Variants in CCSER1 observed in about 807,000 individuals in gnomAD.
The protein encoded by CCSER1 is coiled-coil serine rich protein 1, also known as serine-rich coiled-coil domain-containing protein 1.
In CCSER1, 41 loss-of-function variants were observed where a neutral mutation model predicts 82.0. The ratio of observed to expected loss-of-function variants is 0.50; its 90% confidence interval spans 0.39 to 0.65. The LOEUF (loss-of-function observed/expected upper bound fraction) is 0.65. Among genes scored for constraint, CCSER1 ranks in the 30% least tolerant of loss-of-function variants. The pLI is 0.00. For missense variants in CCSER1, 1,119 were observed against 1,064.2 expected (o/e 1.05, Z -0.72); for synonymous variants, 414 against 383.9 (o/e 1.08, Z -0.92).
chr4:90,739,738 G>C (rs1446518610), intron 7 of CCSER1, among the ~76,000 whole-genome samples: 2 of 152,124 alleles, frequency 1.3e-5, no homozygotes, highest in African/African-American at 4.8e-5. Flanking sequence ...CTGTGACCAG[G>C]CAGCACTGTG....
chr4:90,260,578 T>C (rs1724136249), intron 1 of CCSER1, among the ~76,000 whole-genome samples: 1 of 152,226 alleles, frequency 6.6e-6, no homozygotes, highest in Non-Finnish European at 1.5e-5. Context: ...TAGCTACTCC[T>C]ACTTCTTCTG....
At chr4:91,210,935 C>G (rs143772602) in intron 10 of CCSER1, among the ~76,000 whole-genome samples, 9 of 151,898 alleles carry the variant, frequency 5.9e-5, no homozygotes, top group African/African-American at 2.2e-4. Context: ...CGGGTGTGAT[C>G]GGGCATCAGG....
intron 1 of CCSER1, among the ~76,000 whole-genome samples, chr4:90,301,818 A>G (rs987992767): frequency 6.6e-6 from 1 of 152,126 alleles, no homozygotes; most frequent in Non-Finnish European, 1.5e-5. Context: ...GATTAAAGGT[A>G]ACTGTTATAA....
intron 9 of CCSER1, among the ~76,000 whole-genome samples, chr4:90,953,458 G>C (rs1170704162): frequency 6.6e-6 from 1 of 151,012 alleles, no homozygotes; most frequent in African/African-American, 2.4e-5. Context: ...ATTTACTATT[G>C]TCAAGGCAAT....
intron 10 of CCSER1, among the ~76,000 whole-genome samples, chr4:91,294,641 G>A (rs1447414556): frequency 6.6e-6 from 1 of 151,772 alleles, no homozygotes; most frequent in East Asian, 2.0e-4. Context: ...GGTTCCTGAT[G>A]TTTCTTGGCT....
chr4:90,216,976 T>C (rs1274139107), intron 1 of CCSER1, among the ~76,000 whole-genome samples: 2 of 152,208 alleles, frequency 1.3e-5, no homozygotes, highest in Non-Finnish European at 2.9e-5. Flanking sequence ...TGTTTTGTAG[T>C]TCTCCTTGTA....
In CCSER1 at chr4:90,654,060, G is replaced by T. The variant is rs558302744; in HGVS notation, c.1932+25828G>T. On this transcript the variant is annotated intron_variant, in intron 6 of 10. Transcript: ENST00000509176. ...CATGAGAATTCACTCATTATCACAGGAACAGCAAGGGGGAAATTTGCCCCC... is the reference window on the plus strand; with the variant it reads ...CATGAGAATTCACTCATTATCACAGTAACAGCAAGGGGGAAATTTGCCCCC... Among the ~76,000 whole-genome samples the T allele has an allele frequency of 1.5e-4, 23 of 152,128 alleles. No individual in the cohort carries two copies. The East Asian group carries it at 4.5e-3, about 29-fold the overall frequency.
chr4:90,740,628 A>G (rs1746381876), intron 7 of CCSER1, among the ~76,000 whole-genome samples: 1 of 152,174 alleles, frequency 6.6e-6, no homozygotes, highest in African/African-American at 2.4e-5. Context: ...AAGATAAAGA[A>G]CTTGTCAACA....
chr4:90,237,343 T>A (rs534452563), intron 1 of CCSER1, among the ~76,000 whole-genome samples: 14 of 152,288 alleles, frequency 9.2e-5, no homozygotes, highest in Non-Finnish European at 2.1e-4. Context: ...CGTTTCCTTT[T>A]AACAGTATGT....
At chr4:91,117,279 G>A (rs896319699) in intron 10 of CCSER1, among the ~76,000 whole-genome samples, 8 of 152,130 alleles carry the variant, frequency 5.3e-5, no homozygotes, top group African/African-American at 1.7e-4. Flanking sequence ...TGAATGTGAG[G>A]ACCTTCCTGA....
intron 10 of CCSER1, among the ~76,000 whole-genome samples, chr4:91,160,260 G>A (rs534648617): frequency 6.6e-6 from 1 of 152,142 alleles, no homozygotes; most frequent in Non-Finnish European, 1.5e-5. Context: ...ATTCCATGAT[G>A]TATATGTGCC....
chr4:91,187,056 G>A (rs908053954), intron 10 of CCSER1, among the ~76,000 whole-genome samples: 4 of 152,218 alleles, frequency 2.6e-5, no homozygotes, highest in African/African-American at 7.2e-5. Flanking sequence ...GGTAGCATCT[G>A]TCACAGCTTC....
chr4:91,577,519 A>G lies in CCSER1; in HGVS notation c.2218-21053A>G, dbSNP rs567821218. Among the ~76,000 whole-genome samples, 3 of 152,182 alleles carry G rather than the reference A, an allele frequency of 2.0e-5. No homozygotes were observed. In the South Asian group the frequency reaches 6.2e-4, roughly 32 times the overall value. On this transcript the variant is annotated intron_variant, in intron 10 of 10. Coordinates refer to ENST00000509176, the MANE Select transcript of CCSER1 (RefSeq NM_001145065.2). ...TCTAGCATATTATATTTTTATCACCAGGAGGAAGCAAATTAATTACAATGA... is the reference window on the plus strand; with the variant it reads ...TCTAGCATATTATATTTTTATCACCGGGAGGAAGCAAATTAATTACAATGA...
intron 7 of CCSER1, among the ~76,000 whole-genome samples, chr4:90,727,986 T>C (rs1045530073): frequency 2.6e-5 from 4 of 152,330 alleles, no homozygotes; most frequent in African/African-American, 4.8e-5. Flanking sequence ...CTGAAGACTT[T>C]TGTAGCTTCA....
At chr4:90,455,637 C>T (rs1438295327) in intron 4 of CCSER1, among the ~76,000 whole-genome samples, 1 of 152,190 alleles carries the variant, frequency 6.6e-6, no homozygotes, top group Non-Finnish European at 1.5e-5. Context: ...CCCTAAATCC[C>T]CGTGATCTTT....
At chr4:90,901,563 A>G (rs1219667333) in intron 8 of CCSER1, among the ~76,000 whole-genome samples, 1 of 152,108 alleles carries the variant, frequency 6.6e-6, no homozygotes, top group Non-Finnish European at 1.5e-5. Context: ...AAGGATATAA[A>G]TTCTTGGCTG....
At chr4:91,516,130 T>G (rs1760107963) in intron 10 of CCSER1, among the ~76,000 whole-genome samples, 1 of 152,180 alleles carries the variant, frequency 6.6e-6, no homozygotes, top group Non-Finnish European at 1.5e-5. Context: ...AAGCATAGTT[T>G]GTAAATATTT....
At chr4:91,046,881 C>A (rs759926814) in intron 9 of CCSER1, among the ~76,000 whole-genome samples, 2 of 151,942 alleles carry the variant, frequency 1.3e-5, no homozygotes, top group Non-Finnish European at 2.9e-5. Flanking sequence ...ACATGCCCAG[C>A]TAATTTTTTG....
At chr4:91,208,606 A>G (rs1015819568) in intron 10 of CCSER1, among the ~76,000 whole-genome samples, 12 of 151,852 alleles carry the variant, frequency 7.9e-5, no homozygotes, top group Admixed American at 6.6e-5. Flanking sequence ...TTGTACTAGT[A>G]CCATGCTGTT....
Sources: allele counts gnomAD v4.1 joint callset (sites outside exome capture counted in the v4.1 genomes callset), GRCh38; gene constraint gnomAD v4.1.1; transcripts MANE v1.5; gene names NCBI Gene and HGNC (gene_info 2026-07-23, HGNC 2026-07-21).